Variants in C14orf132 observed in about 807,000 individuals in gnomAD.
The protein encoded by C14orf132 is chromosome 14 open reading frame 132.
C14orf132 carries 6 observed loss-of-function variants against 5.8 expected under a neutral mutation model. The ratio of observed to expected loss-of-function variants is 1.03; its 90% confidence interval spans 0.57 to 2.04. The LOEUF (loss-of-function observed/expected upper bound fraction) is 2.04, where lower values mean the gene tolerates loss of function less well. Among genes scored for constraint, C14orf132 ranks in the 30% most tolerant of loss-of-function variants. The pLI is 0.00. For missense variants in C14orf132, 125 were observed against 115.8 expected (o/e 1.08, Z -0.37); for synonymous variants, 51 against 49.8 (o/e 1.02, Z -0.10).
At chr14:96,057,484 C>T (rs935835969) in intron 1 of C14orf132, among the ~76,000 whole-genome samples, 2 of 152,132 alleles carry the variant, frequency 1.3e-5, no homozygotes, top group African/African-American at 2.4e-5. Context: ...AAGACCGGTT[C>T]CAATGGCTGG....
chr14:96,047,483 C>T (rs1886861432), intron 1 of C14orf132, among the ~76,000 whole-genome samples: 1 of 152,200 alleles, frequency 6.6e-6, no homozygotes, highest in Non-Finnish European at 1.5e-5. Context: ...TCACTCCCTC[C>T]TCACTGTGTC....
intron 1 of C14orf132, among the ~76,000 whole-genome samples, chr14:96,056,714 G>A (rs1887194476): frequency 6.6e-6 from 1 of 152,136 alleles, no homozygotes; most frequent in Non-Finnish European, 1.5e-5. Flanking sequence ...CAAAATGCAG[G>A]TTGAGTGGGT....
intron 1 of C14orf132, chr14:96,040,255 C>G (rs373049134): frequency 7.0e-5 from 28 of 397,488 alleles, no homozygotes; most frequent in Non-Finnish European, 7.1e-5. Context: ...TATTTCTGTG[C>G]CTTAACTCTC....
intron 1 of C14orf132, among the ~76,000 whole-genome samples, chr14:96,064,830 T>G (rs1887482867): frequency 6.6e-6 from 1 of 151,818 alleles, no homozygotes; most frequent in South Asian, 2.1e-4. Context: ...AAAATAAAAT[T>G]AAAAAAATTA....
chr14:96,073,724 A>C (rs28864818), intron 1 of C14orf132, among the ~76,000 whole-genome samples: 4,595 of 152,322 alleles, frequency 0.03, 230 homozygotes, highest in African/African-American at 0.1. Flanking sequence ...TTCTATTAAA[A>C]AGATACATGC....
chr14:96,073,171 AT>A (rs1887762017), intron 1 of C14orf132, among the ~76,000 whole-genome samples: 3 of 151,978 alleles, frequency 2.0e-5, no homozygotes, highest in Non-Finnish European at 2.9e-5. Flanking sequence ...AAGTTTAGCC[AT>A]TGTGATAGAT....
At chr14:96,083,260 A>C (rs1272052763) in intron 1 of C14orf132, among the ~76,000 whole-genome samples, 1 of 152,274 alleles carries the variant, frequency 6.6e-6, no homozygotes, top group East Asian at 1.9e-4. Context: ...TGAGTAGACC[A>C]TATCCTTGCC....
intron 1 of C14orf132, among the ~76,000 whole-genome samples, chr14:96,061,128 A>G (rs1887343197): frequency 6.6e-6 from 1 of 151,848 alleles, no homozygotes; most frequent in African/African-American, 2.4e-5. Flanking sequence ...GCCTAAAACC[A>G]TGCACTGGGC....
intron 1 of C14orf132, among the ~76,000 whole-genome samples, chr14:96,070,701 A>G: frequency 6.6e-6 from 1 of 152,004 alleles, no homozygotes; most frequent in East Asian, 1.9e-4. Context: ...AACCCTTTCT[A>G]GAGGCAGTTT....
Position 96,055,672 on chromosome 14 carries a change from G to A in C14orf132, c.27+16145G>A, listed in dbSNP as rs74861448. 7.9e-3 allele frequency among the ~76,000 whole-genome samples: 1,200 copies of A among 152,258 alleles called. 11 individuals carry two copies. The highest frequency in any genetic ancestry group is 0.027 in the African/African-American group (1,133 of 41,540). On this transcript the variant is annotated intron_variant, in intron 1 of 1. Transcript: ENST00000555004. ...GAGGAGGTATAATTCCTATCTTCCA[G>A]AAGTTCTGTAAGGGACTCTCTGAAG...
At chr14:96,049,557 T>C (rs1210303164) in intron 1 of C14orf132, among the ~76,000 whole-genome samples, 14 of 135,850 alleles carry the variant, frequency 1.0e-4, no homozygotes, top group Non-Finnish European at 2.1e-4. Context: ...TATATACATA[T>C]ATACGTATAT....
rs945800211 is a variant in C14orf132 at position 96,088,354 on chromosome 14, A to G, written c.*1619A>G. The G allele has an allele frequency of 2.0e-5, 3 of 152,182 alleles. No homozygotes were observed. Among genetic ancestry groups the G allele is most frequent in the Non-Finnish European group, 2.9e-5 (2 of 68,032 alleles). 9.4% of individuals were successfully genotyped at this position (152,182 alleles called of 1,614,324 possible). On this transcript the variant is annotated 3_prime_UTR_variant, in exon 2 of 2. Transcript: ENST00000555004. Reference sequence around the variant, plus strand: ...CTTACCGATCACATCTGTCACTGCCACCGTATATCATCTGCCAGTGCATCA... The same window carrying G: ...CTTACCGATCACATCTGTCACTGCCGCCGTATATCATCTGCCAGTGCATCA...
chr14:96,090,639 T>C lies in C14orf132; in HGVS notation c.*3904T>C. ...AGGCAAATAAGACTCCCTGCTCCAC[T>C]CTACCCCCCAGAGAGAAATGATTCT... On this transcript the variant is annotated 3_prime_UTR_variant, in exon 2 of 2. Transcript: ENST00000555004. 1 of 456,002 alleles carries C rather than the reference T, an allele frequency of 2.2e-6. No homozygotes were observed. Among genetic ancestry groups the C allele is most frequent in the Non-Finnish European group, 4.4e-6 (1 of 226,794 alleles). 28.2% of individuals were successfully genotyped at this position (456,002 alleles called of 1,614,324 possible). A position where few individuals can be genotyped will look rare whatever the true frequency, so the allele number is the denominator to read the frequency against.
chr14:96,078,586 A>T (rs1331442904), intron 1 of C14orf132, among the ~76,000 whole-genome samples: 1 of 151,560 alleles, frequency 6.6e-6, no homozygotes, highest in East Asian at 1.9e-4. Flanking sequence ...ATTTTTTCAT[A>T]CTCTCCTAGT....
chr14:96,060,535 C>T (rs1887320853), intron 1 of C14orf132, among the ~76,000 whole-genome samples: 1 of 152,202 alleles, frequency 6.6e-6, no homozygotes, highest in African/African-American at 2.4e-5. Flanking sequence ...TTATCCTCTG[C>T]ACCCTCATTC....
chr14:96,091,043 A>G lies in C14orf132; in HGVS notation c.*4308A>G, dbSNP rs1170046073. ...CAAATTGCCCCTGGGGGCAGGAATG[A>G]GGATGCAGAGAGATGCACGTTAATT... On this transcript the variant is annotated 3_prime_UTR_variant, in exon 2 of 2. Transcript: ENST00000555004. The G allele has an allele frequency of 8.8e-6, 4 of 455,820 alleles. No individual in the cohort carries two copies. The East Asian group carries it at 2.8e-4, about 32-fold the overall frequency. The allele number at this position is 455,820 out of a possible 1,614,324, so 28.2% of individuals were successfully genotyped here. A position where few individuals can be genotyped will look rare whatever the true frequency, so the allele number is the denominator to read the frequency against.
At chr14:96,045,831 G>T (rs1330155969) in intron 1 of C14orf132, among the ~76,000 whole-genome samples, 2 of 152,222 alleles carry the variant, frequency 1.3e-5, no homozygotes, top group South Asian at 4.1e-4. Context: ...TGACGATTTT[G>T]TGGGACCAGA....
chr14:96,060,579 C>G (rs1489746289), intron 1 of C14orf132, among the ~76,000 whole-genome samples: 1 of 152,188 alleles, frequency 6.6e-6, no homozygotes, highest in African/African-American at 2.4e-5. Context: ...GGGCTCAGCT[C>G]CCTGACAGAG....
Position 96,077,337 on chromosome 14 carries a change from C to A in C14orf132, c.28-9174C>A, listed in dbSNP as rs995552540. On this transcript the variant is annotated intron_variant, in intron 1 of 1. Coordinates refer to ENST00000555004, the MANE Select transcript of C14orf132 (RefSeq NM_001252507.3). ...TTGTTGCCCCCTCCCTCAACCCCAC[C>A]ATTCCTATGTTGAAACCCTAACTCC... 6.6e-5 allele frequency among the ~76,000 whole-genome samples: 10 copies of A among 152,254 alleles called. 1 individual carries two copies. The highest frequency in any genetic ancestry group is 1.9e-4 in the East Asian group (1 of 5,184).
Sources: allele counts gnomAD v4.1 joint callset (sites outside exome capture counted in the v4.1 genomes callset), GRCh38; gene constraint gnomAD v4.1.1; transcripts MANE v1.5; gene names NCBI Gene and HGNC (gene_info 2026-07-23, HGNC 2026-07-21).